PPARGC1A: variants seen among roughly 807,000 people sequenced by gnomAD.
The protein encoded by PPARGC1A is peroxisome proliferator-activated receptor gamma coactivator 1-alpha.
PPARGC1A carries 25 observed loss-of-function variants against 88.7 expected under a neutral mutation model. The ratio of observed to expected loss-of-function variants is 0.28; its 90% CI spans 0.21 to 0.39. The LOEUF (loss-of-function observed/expected upper bound fraction) is 0.39, where lower values mean the gene tolerates loss of function less well. Ranked by LOEUF, PPARGC1A falls within the 10% of genes least tolerant of loss-of-function variation. PPARGC1A has a pLI of 1.00. For missense variants in PPARGC1A, 880 were observed against 968.7 expected (o/e 0.91, Z 1.22); for synonymous variants, 363 against 355.6 (o/e 1.02, Z -0.24).
chr4:24,219,798 A>G, the PPARGC1A span, among the ~76,000 whole-genome samples: 1 of 152,250 alleles, frequency 6.6e-6, no homozygotes, highest in Admixed American at 6.5e-5. Flanking sequence ...GGCCACTTCC[A>G]CATTCTGAAC....
At chr4:23,924,859 C>A in the PPARGC1A span, among the ~76,000 whole-genome samples, 6 of 152,218 alleles carry the variant, frequency 3.9e-5, no homozygotes, top group African/African-American at 1.2e-4. Flanking sequence ...CTCTGTCCCC[C>A]TTCATACACC....
chr4:23,962,868 G>T, the PPARGC1A span, among the ~76,000 whole-genome samples: 1 of 152,138 alleles, frequency 6.6e-6, no homozygotes, highest in African/African-American at 2.4e-5. Context: ...AAGAAGGGAG[G>T]CCTCTTAAGC....
chr4:24,226,461 C>T, the PPARGC1A span, among the ~76,000 whole-genome samples: 16 of 152,198 alleles, frequency 1.1e-4, no homozygotes, highest in African/African-American at 3.1e-4. Context: ...AGGTGGAAAA[C>T]GAGGTGGGGA....
At chr4:23,945,623 G>C in the PPARGC1A span, among the ~76,000 whole-genome samples, 1 of 152,170 alleles carries the variant, frequency 6.6e-6, no homozygotes, top group African/African-American at 2.4e-5. Context: ...TAAGCGGGGA[G>C]GGTGATCTTA....
chr4:23,992,496 G>A, the PPARGC1A span, among the ~76,000 whole-genome samples: 5 of 151,868 alleles, frequency 3.3e-5, no homozygotes, highest in Non-Finnish European at 7.4e-5. Context: ...CTGGCACCTC[G>A]AGTAGTTATA....
intron 12 of PPARGC1A, among the ~76,000 whole-genome samples, chr4:23,797,661 T>C (rs972334069): frequency 6.6e-6 from 1 of 152,202 alleles, no homozygotes; most frequent in African/African-American, 2.4e-5. Flanking sequence ...TGAAATATAG[T>C]GTTCACATAT....
the PPARGC1A span, among the ~76,000 whole-genome samples, chr4:24,182,100 T>C: frequency 6.6e-6 from 1 of 152,152 alleles, no homozygotes; most frequent in Non-Finnish European, 1.5e-5. Flanking sequence ...TCATATAGGT[T>C]TTAAGTCCCG....
the PPARGC1A span, among the ~76,000 whole-genome samples, chr4:24,143,785 G>A: frequency 6.6e-6 from 1 of 152,196 alleles, no homozygotes; most frequent in East Asian, 1.9e-4. Context: ...CATGGCCCCT[G>A]TTGTCAGGAA....
Position 23,800,717 on chromosome 4 carries a change from T to C in PPARGC1A, c.2293+1013A>G, listed in dbSNP as rs986179590. 9.2e-5 allele frequency among the ~76,000 whole-genome samples: 14 copies of C among 151,648 alleles called. No homozygotes were observed. The South Asian group carries it at 2.5e-3, about 27-fold the overall frequency. On this transcript the variant is annotated intron_variant, in intron 12 of 12. Transcript: ENST00000264867. ...TGGTTATTCCTGGATGACAGGCTGA[T>C]ACATGATTTTAATTTTTTTCTTAAT...
At chr4:23,866,007 A>T (rs1357664085) in intron 2 of PPARGC1A, 1 of 152,208 alleles carries the variant, frequency 6.6e-6, no homozygotes, top group African/African-American at 2.4e-5. Flanking sequence ...GGTGGTGAAT[A>T]ATAGTTGATG....
the PPARGC1A span, among the ~76,000 whole-genome samples, chr4:24,232,678 G>A: frequency 1.3e-5 from 2 of 152,124 alleles, no homozygotes; most frequent in Admixed American, 6.6e-5. Context: ...TGTCATAGTA[G>A]AGTCAGTTTC....
chr4:24,097,186 C>T, the PPARGC1A span, among the ~76,000 whole-genome samples: 1 of 152,248 alleles, frequency 6.6e-6, no homozygotes, highest in Non-Finnish European at 1.5e-5. Context: ...AACATGCATG[C>T]CACAATGCTA....
the PPARGC1A span, among the ~76,000 whole-genome samples, chr4:24,292,602 C>G: frequency 9.1e-6 from 1 of 109,708 alleles, no homozygotes; most frequent in Non-Finnish European, 1.9e-5. Context: ...ATCCCTACCC[C>G]CTCACCCTCA....
chr4:24,324,625 C>T, the PPARGC1A span, among the ~76,000 whole-genome samples: 1 of 152,174 alleles, frequency 6.6e-6, no homozygotes, highest in Non-Finnish European at 1.5e-5. Flanking sequence ...ACAAACTCGA[C>T]AGTAGTTCCA....
At chr4:23,880,682 T>C (rs748749836) in intron 2 of PPARGC1A, 2 of 152,220 alleles carry the variant, frequency 1.3e-5, no homozygotes, top group South Asian at 2.1e-4. Flanking sequence ...TTTCCTTGAT[T>C]GCATATAGCA....
chr4:24,379,768 T>C, the PPARGC1A span, among the ~76,000 whole-genome samples: 1 of 149,716 alleles, frequency 6.7e-6, no homozygotes, highest in African/African-American at 2.5e-5. Flanking sequence ...CTTTGAACTT[T>C]ATTATTTAAA....
chr4:24,116,212 T>C, the PPARGC1A span, among the ~76,000 whole-genome samples: 6 of 152,348 alleles, frequency 3.9e-5, no homozygotes, highest in East Asian at 3.9e-4. Flanking sequence ...AGATAACTCA[T>C]TAATTTATTT....
the PPARGC1A span, among the ~76,000 whole-genome samples, chr4:24,388,355 C>A: frequency 1.3e-5 from 2 of 152,192 alleles, no homozygotes; most frequent in South Asian, 4.1e-4. Context: ...AATAGGAACA[C>A]TTTTACATCG....
intron 2 of PPARGC1A, among the ~76,000 whole-genome samples, chr4:23,879,238 A>G (rs1243817586): frequency 6.6e-6 from 1 of 152,178 alleles, no homozygotes; most frequent in African/African-American, 2.4e-5. Flanking sequence ...GAGGTTTGCC[A>G]TTCATAGAAA....
Sources: gnomAD v4.1 joint callset for allele counts (sites outside exome capture counted in the v4.1 genomes callset) on GRCh38, gnomAD v4.1.1 for gene constraint, MANE v1.5 for transcripts, NCBI Gene and HGNC (gene_info 2026-07-23, HGNC 2026-07-21) for gene names.